ZCWPW2: variants seen among roughly 807,000 people sequenced by gnomAD.
ZCWPW2 encodes the protein zinc finger CW-type and PWWP domain containing 2.
A neutral mutation model predicts 46.6 loss-of-function variants in ZCWPW2; 45 were observed. That is an observed-to-expected ratio of 0.96 (90% CI 0.76 to 1.24). The LOEUF is 1.24. Ranked by LOEUF, ZCWPW2 falls within the 50% of genes most tolerant of loss-of-function variation. The pLI, the probability that ZCWPW2 is intolerant of heterozygous loss-of-function variation, is 0.00. For synonymous variants in ZCWPW2, 152 were observed against 137.1 expected, an observed-to-expected ratio of 1.11 and a Z score of -0.76; for missense variants, 429 against 403.9, an observed-to-expected ratio of 1.06 and a Z score of -0.53.
chr3:28,409,444 A>G (rs77171409), intron 2 of ZCWPW2, among the ~76,000 whole-genome samples: 3,971 of 152,042 alleles, frequency 0.026, 151 homozygotes, highest in African/African-American at 0.085. Context: ...TTCTCTCACT[A>G]TCCTCATTCA....
chr3:28,474,160 C>T (rs1237387966), intron 4 of ZCWPW2, among the ~76,000 whole-genome samples: 3 of 151,984 alleles, frequency 2.0e-5, no homozygotes, highest in Non-Finnish European at 4.4e-5. Flanking sequence ...TACTATGTAC[C>T]TACAAAAATT....
intron 6 of ZCWPW2, among the ~76,000 whole-genome samples, chr3:28,507,093 A>G (rs1700297088): frequency 6.6e-6 from 1 of 152,188 alleles, no homozygotes; most frequent in Non-Finnish European, 1.5e-5. Flanking sequence ...AAGTGCCAGA[A>G]TAAGCACTTA....
chr3:28,411,606 C>G (rs529109982), intron 2 of ZCWPW2, among the ~76,000 whole-genome samples: 1 of 152,136 alleles, frequency 6.6e-6, no homozygotes, highest in South Asian at 2.1e-4. Flanking sequence ...AAGTGAAAGT[C>G]TAGCAAAGGG....
At chr3:28,451,340 T>C (rs1698218540) in intron 4 of ZCWPW2, among the ~76,000 whole-genome samples, 1 of 152,224 alleles carries the variant, frequency 6.6e-6, no homozygotes. Context: ...TCTTCTCCAA[T>C]GTCTGTCAGC....
intron 1 of ZCWPW2, 135 bp from the exon 2 acceptor site, chr3:28,390,363 T>C: frequency 1.5e-6 from 1 of 655,908 alleles, no homozygotes; most frequent in Non-Finnish European, 1.9e-6. Context: ...AATTCCAAAA[T>C]TTCCTACCCA....
intron 1 of ZCWPW2, among the ~76,000 whole-genome samples, chr3:28,389,499 C>T (rs1267896391): frequency 1.3e-5 from 2 of 152,096 alleles, no homozygotes; most frequent in Non-Finnish European, 2.9e-5. Flanking sequence ...TTTTGCTTAC[C>T]TCTATTGCCA....
chr3:28,355,911 G>A (rs1365345283), intron 1 of ZCWPW2, among the ~76,000 whole-genome samples: 2 of 152,200 alleles, frequency 1.3e-5, no homozygotes, highest in Admixed American at 1.3e-4. Flanking sequence ...AGAAAACCTA[G>A]GCAATACCAT....
intron 6 of ZCWPW2, among the ~76,000 whole-genome samples, chr3:28,498,014 A>T: frequency 6.6e-6 from 1 of 152,030 alleles, no homozygotes; most frequent in East Asian, 1.9e-4. Context: ...GAACTATAAG[A>T]TATTTACAAC....
At chr3:28,495,699 A>G (rs991201341) in intron 6 of ZCWPW2, among the ~76,000 whole-genome samples, 11 of 151,930 alleles carry the variant, frequency 7.2e-5, no homozygotes, top group Admixed American at 2.0e-4. Context: ...TTTTTTCTCT[A>G]GTAACTCATT....
chr3:28,499,050 A>T (rs1165575537), intron 6 of ZCWPW2, among the ~76,000 whole-genome samples: 1 of 152,066 alleles, frequency 6.6e-6, no homozygotes, highest in African/African-American at 2.4e-5. Flanking sequence ...TCTATCATTG[A>T]TGGGCATTTG....
chr3:28,520,580 T>C (rs943703907), intron 8 of ZCWPW2, among the ~76,000 whole-genome samples: 1 of 152,222 alleles, frequency 6.6e-6, no homozygotes, highest in South Asian at 2.1e-4. Context: ...AATAACAGAA[T>C]TGAGTTTTTG....
chr3:28,407,145 C>T (rs1696197554), intron 2 of ZCWPW2, among the ~76,000 whole-genome samples: 1 of 152,134 alleles, frequency 6.6e-6, no homozygotes, highest in South Asian at 2.1e-4. Flanking sequence ...CCTATGTGCT[C>T]CTTTGCTCCA....
At chr3:28,377,280 T>A (rs1190661306) in intron 1 of ZCWPW2, among the ~76,000 whole-genome samples, 1 of 152,074 alleles carries the variant, frequency 6.6e-6, no homozygotes, top group African/African-American at 2.4e-5. Context: ...TTAAAACTTG[T>A]GGTAGAGTCC....
At chr3:28,438,994 G>A (rs1398934378) in intron 4 of ZCWPW2, among the ~76,000 whole-genome samples, 2 of 149,080 alleles carry the variant, frequency 1.3e-5, no homozygotes, top group African/African-American at 4.9e-5. Flanking sequence ...TATTAGTCAG[G>A]GTTCTTTAGA....
intron 6 of ZCWPW2, among the ~76,000 whole-genome samples, chr3:28,509,038 C>T (rs939326300): frequency 6.6e-6 from 1 of 152,122 alleles, no homozygotes; most frequent in Non-Finnish European, 1.5e-5. Flanking sequence ...TCCCACCTTG[C>T]CCTTTTCCGT....
intron 6 of ZCWPW2, among the ~76,000 whole-genome samples, chr3:28,511,627 C>A (rs148347885): frequency 6.6e-6 from 1 of 152,246 alleles, no homozygotes; most frequent in Non-Finnish European, 1.5e-5. Context: ...CATCACTCTT[C>A]TTCTGAATAA....
intron 3 of ZCWPW2, among the ~76,000 whole-genome samples, chr3:28,414,660 A>T (rs1421218932): frequency 8.6e-6 from 1 of 116,278 alleles, no homozygotes; most frequent in East Asian, 2.7e-4. Flanking sequence ...TCCTGTGTCC[A>T]TGTGTTCTCA....
intron 5 of ZCWPW2, among the ~76,000 whole-genome samples, chr3:28,483,847 G>C (rs1467003766): frequency 6.6e-6 from 1 of 152,080 alleles, no homozygotes; most frequent in East Asian, 1.9e-4. Flanking sequence ...CTGCAACCTT[G>C]CTATAATCTA....
chr3:28,391,355 ACACACACACACACACACACACATG>A (rs1393024166), intron 2 of ZCWPW2, among the ~76,000 whole-genome samples: 5 of 78,812 alleles, frequency 6.3e-5, no homozygotes, highest in African/African-American at 2.3e-4. Context: ...TCTCCCTGCC[ACACACACACACACACACACACATG>A]CACACACACA....
Sources: allele counts gnomAD v4.1 joint callset (sites outside exome capture counted in the v4.1 genomes callset), GRCh38; gene constraint gnomAD v4.1.1; transcripts MANE v1.5; gene names NCBI Gene and HGNC (gene_info 2026-07-23, HGNC 2026-07-21).